The following RPS6KC1 variants were observed in gnomAD, a reference collection of about 807,000 sequenced individuals.
The protein encoded by RPS6KC1 is ribosomal protein S6 kinase C1.
In RPS6KC1, 54 loss-of-function variants were observed where a neutral mutation model predicts 103.8. The observed-to-expected ratio is 0.52, with a 90% confidence interval of 0.42 to 0.65. The LOEUF (loss-of-function observed/expected upper bound fraction) is 0.65, where lower values mean the gene tolerates loss of function less well. RPS6KC1 is among the 30% of genes least tolerant of loss of function. The pLI is 0.00. For missense variants in RPS6KC1, 1,151 were observed against 1,253.8 expected (o/e 0.92, Z 1.24); for synonymous variants, 439 against 438.7 (o/e 1.00, Z -0.01).
At chr1:213,151,377 G>T (rs1256295711) in intron 6 of RPS6KC1, among the ~76,000 whole-genome samples, 1 of 127,550 alleles carries the variant, frequency 7.8e-6, no homozygotes, top group Non-Finnish European at 1.7e-5. Context: ...CGGACGGGGC[G>T]GCTGGCCGGG....
the RPS6KC1 span, among the ~76,000 whole-genome samples, chr1:213,746,251 A>G: frequency 6.6e-6 from 1 of 152,206 alleles, no homozygotes; most frequent in African/African-American, 2.4e-5. Context: ...ATGCTCTACA[A>G]CTTGTCAGAG....
the RPS6KC1 span, among the ~76,000 whole-genome samples, chr1:213,446,589 G>T: frequency 1.3e-5 from 2 of 152,176 alleles, no homozygotes; most frequent in Non-Finnish European, 2.9e-5. Context: ...GATAGTAGAT[G>T]TAAACCATAG....
At chr1:213,371,487 CTGTA>C in the RPS6KC1 span, among the ~76,000 whole-genome samples, 1 of 152,128 alleles carries the variant, frequency 6.6e-6, no homozygotes, top group Non-Finnish European at 1.5e-5. Context: ...CATCTGATAA[CTGTA>C]TGTTGAATAT....
chr1:213,465,071 A>G, the RPS6KC1 span, among the ~76,000 whole-genome samples: 5 of 152,142 alleles, frequency 3.3e-5, no homozygotes, highest in African/African-American at 1.2e-4. Flanking sequence ...GCCTCAGTTC[A>G]GGACAACTTC....
chr1:213,501,331 G>A, the RPS6KC1 span, among the ~76,000 whole-genome samples: 1 of 152,190 alleles, frequency 6.6e-6, no homozygotes, highest in African/African-American at 2.4e-5. Flanking sequence ...TTGCCATTTA[G>A]AGAAAAAATT....
the RPS6KC1 span, among the ~76,000 whole-genome samples, chr1:213,629,848 A>G: frequency 2.0e-5 from 3 of 152,150 alleles, no homozygotes; most frequent in East Asian, 3.8e-4. Context: ...TATGAAGCTT[A>G]GTTTGGCTGG....
chr1:213,086,372 T>C (rs1243917915), intron 3 of RPS6KC1, among the ~76,000 whole-genome samples: 2 of 152,192 alleles, frequency 1.3e-5, no homozygotes, highest in Admixed American at 1.3e-4. Flanking sequence ...TCTCAGCCTG[T>C]AGTTCCTTGC....
At chr1:213,278,444 G>A (rs1041919263), downstream of RPS6KC1, among the ~76,000 whole-genome samples, 4 of 152,316 alleles carry the variant, frequency 2.6e-5, no homozygotes, top group Admixed American at 1.3e-4. Flanking sequence ...AGACATTTGA[G>A]ATAATTTGTA....
Position 213,241,952 on chromosome 1 carries a change from T to G in RPS6KC1, c.2476T>G (p.Ser826Ala), listed in dbSNP as rs776693648. ...ESLFRICSPL[S>A]GANEYIASTD... The stretch of plus-strand genomic sequence containing the variant: ...CTTATTCCGTATTTGTAGTCCACTC[T>G]CAGGTGCTAATGAATATATTGCAAG... The change falls in exon 11 of 15, where the codon TCA (serine) becomes GCA (alanine). Residue 826 changes from serine (S) to alanine (A), a missense_variant. Physicochemically the swap from Ser to Ala is moderately conservative, Grantham distance 99. Coordinates refer to ENST00000366960, the MANE Select transcript of RPS6KC1 (RefSeq NM_012424.6). 6.2e-6 allele frequency: 10 copies of G among 1,613,940 alleles called. No individual in the cohort carries two copies. The Admixed American group carries it at 1.5e-4, about 24-fold the overall frequency.
chr1:213,823,834 ACT>A, the RPS6KC1 span, among the ~76,000 whole-genome samples: 10 of 152,052 alleles, frequency 6.6e-5, no homozygotes, highest in African/African-American at 2.2e-4. Context: ...ACTGTTCTAA[ACT>A]TTTTACATAT....
the RPS6KC1 span, among the ~76,000 whole-genome samples, chr1:213,541,931 G>A: frequency 0.71 from 107,787 of 152,088 alleles, 38,654 homozygotes; most frequent in East Asian, 0.98. Flanking sequence ...CCAAAGCTTC[G>A]TGGAGGAGTT....
chr1:213,071,469 A>T (rs930246952), intron 2 of RPS6KC1, among the ~76,000 whole-genome samples: 13 of 152,152 alleles, frequency 8.5e-5, no homozygotes, highest in Non-Finnish European at 1.6e-4. Context: ...GATTGTCTTC[A>T]TTTCACAAAA....
intron 14 of RPS6KC1, among the ~76,000 whole-genome samples, chr1:213,266,299 T>A (rs1261785515): frequency 2.0e-5 from 3 of 152,058 alleles, no homozygotes; most frequent in Non-Finnish European, 4.4e-5. Context: ...GAAAGAAAAA[T>A]TAGAAATAAT....
At chr1:213,192,400 A>G (rs775200300) in intron 8 of RPS6KC1, among the ~76,000 whole-genome samples, 6 of 152,134 alleles carry the variant, frequency 3.9e-5, no homozygotes, top group African/African-American at 9.7e-5. Flanking sequence ...AGCCTCATAG[A>G]CTGAGTTTGG....
chr1:213,558,395 C>T, the RPS6KC1 span, among the ~76,000 whole-genome samples: 14 of 152,066 alleles, frequency 9.2e-5, no homozygotes, highest in Non-Finnish European at 1.9e-4. Flanking sequence ...AGTAAGGAGC[C>T]GATGTAGGTA....
intron 8 of RPS6KC1, among the ~76,000 whole-genome samples, chr1:213,194,356 G>A (rs1188871307): frequency 6.6e-6 from 1 of 152,132 alleles, no homozygotes; most frequent in Non-Finnish European, 1.5e-5. Flanking sequence ...TTGTTTTCTG[G>A]TGATTTTGTG....
At chr1:213,736,832 G>A in the RPS6KC1 span, among the ~76,000 whole-genome samples, 1,334 of 152,312 alleles carry the variant, frequency 8.8e-3, 29 homozygotes, top group East Asian at 0.076. Flanking sequence ...AGGATAGTTC[G>A]CCACCCTAAA....
the RPS6KC1 span, among the ~76,000 whole-genome samples, chr1:213,691,432 C>A: frequency 1.3e-5 from 2 of 152,084 alleles, no homozygotes; most frequent in African/African-American, 4.8e-5. Flanking sequence ...AAAGGGACTC[C>A]TTAGTGGGTT....
At chr1:213,255,944 A>G (rs1035177861) in intron 12 of RPS6KC1, among the ~76,000 whole-genome samples, 1 of 152,240 alleles carries the variant, frequency 6.6e-6, no homozygotes, top group Non-Finnish European at 1.5e-5. Context: ...CACATTAATT[A>G]ATGAATCACT....
Sources: gnomAD v4.1 joint callset for allele counts (sites outside exome capture counted in the v4.1 genomes callset) on GRCh38, gnomAD v4.1.1 for gene constraint, MANE v1.5 for transcripts, NCBI Gene and HGNC (gene_info 2026-07-23, HGNC 2026-07-21) for gene names.